The following QTMAN variants were observed in gnomAD, a reference collection of about 807,000 sequenced individuals.
The protein encoded by QTMAN is tRNA-queuosine alpha-mannosyltransferase.
At chr2:144,298,332 T>C in the QTMAN span, among the ~76,000 whole-genome samples, 2 of 152,150 alleles carry the variant, frequency 1.3e-5, no homozygotes, top group African/African-American at 4.8e-5. Context: ...AATATTTTAA[T>C]TCTTAAGATA....
At chr2:144,086,554 C>T in the QTMAN span, among the ~76,000 whole-genome samples, 42 of 152,224 alleles carry the variant, frequency 2.8e-4, no homozygotes, top group East Asian at 7.3e-3. Flanking sequence ...GCCTGACAGC[C>T]ATAATTCTTG....
the QTMAN span, among the ~76,000 whole-genome samples, chr2:143,961,359 T>C: frequency 1.3e-5 from 2 of 152,122 alleles, no homozygotes; most frequent in African/African-American, 4.8e-5. Flanking sequence ...ATCATGACCA[T>C]ATACAACTAT....
chr2:144,063,663 T>C, the QTMAN span, among the ~76,000 whole-genome samples: 1 of 152,152 alleles, frequency 6.6e-6, no homozygotes, highest in Admixed American at 6.5e-5. Context: ...AGAAGCTAAG[T>C]AACAAAATAA....
chr2:144,252,843 C>T, the QTMAN span, among the ~76,000 whole-genome samples: 2 of 152,078 alleles, frequency 1.3e-5, no homozygotes, highest in Non-Finnish European at 2.9e-5. Context: ...TTGGAAGTGG[C>T]CAAAATGTCC....
chr2:144,155,553 A>T, the QTMAN span, among the ~76,000 whole-genome samples: 2 of 152,174 alleles, frequency 1.3e-5, no homozygotes, highest in Non-Finnish European at 2.9e-5. Context: ...CATGCCACTC[A>T]TGAGTCTCTG....
chr2:144,189,429 G>C, the QTMAN span, among the ~76,000 whole-genome samples: 1 of 152,154 alleles, frequency 6.6e-6, no homozygotes, highest in Non-Finnish European at 1.5e-5. Flanking sequence ...TAAGATGGAA[G>C]AATAACAACT....
At chr2:144,035,932 A>G in the QTMAN span, among the ~76,000 whole-genome samples, 1 of 152,204 alleles carries the variant, frequency 6.6e-6, no homozygotes, top group Admixed American at 6.5e-5. Flanking sequence ...AGGGCACCCT[A>G]AATCACCTAT....
At chr2:144,307,159 TAAAAAAAA>T in the QTMAN span, among the ~76,000 whole-genome samples, 1 of 40,464 alleles carries the variant, frequency 2.5e-5, no homozygotes, top group African/African-American at 1.3e-4. Flanking sequence ...GACTCCGTCT[TAAAAAAAA>T]AAAAAAAAAA....
chr2:144,039,106 C>G, the QTMAN span, among the ~76,000 whole-genome samples: 1 of 152,200 alleles, frequency 6.6e-6, no homozygotes, highest in East Asian at 1.9e-4. Context: ...AAAAATACTT[C>G]TGCAGGATTT....
chr2:144,203,202 C>A, the QTMAN span, among the ~76,000 whole-genome samples: 1 of 151,084 alleles, frequency 6.6e-6, no homozygotes. Context: ...CACGTGCGCA[C>A]GCACACATGT....
the QTMAN span, chr2:143,941,242 G>A: frequency 6.6e-6 from 1 of 152,176 alleles, no homozygotes; most frequent in African/African-American, 2.4e-5. Flanking sequence ...ATTCTCAGGA[G>A]GGCCAGGGAA....
the QTMAN span, among the ~76,000 whole-genome samples, chr2:144,263,404 T>C: frequency 2.0e-5 from 3 of 152,170 alleles, no homozygotes; most frequent in Non-Finnish European, 4.4e-5. Flanking sequence ...TGTCTGGACA[T>C]GTTGTCACTA....
the QTMAN span, among the ~76,000 whole-genome samples, chr2:143,997,236 T>C: frequency 2.6e-5 from 4 of 152,110 alleles, no homozygotes; most frequent in Non-Finnish European, 4.4e-5. Flanking sequence ...TATGAACTTA[T>C]CAAGTGAAAA....
the QTMAN span, among the ~76,000 whole-genome samples, chr2:144,193,511 T>C: frequency 1.3e-5 from 2 of 150,588 alleles, no homozygotes; most frequent in South Asian, 4.2e-4. Context: ...ATTACGTGTG[T>C]GTGTGTGTGT....
the QTMAN span, among the ~76,000 whole-genome samples, chr2:144,110,544 A>G: frequency 1.3e-5 from 2 of 152,048 alleles, no homozygotes; most frequent in Non-Finnish European, 2.9e-5. Context: ...GTGTTATAAA[A>G]AATAAAAAAT....
the QTMAN span, among the ~76,000 whole-genome samples, chr2:144,088,197 T>G: frequency 6.6e-6 from 1 of 151,760 alleles, no homozygotes; most frequent in African/African-American, 2.4e-5. Context: ...GCAATCCCAT[T>G]TATAACTGCT....
chr2:144,078,887 T>C, the QTMAN span, among the ~76,000 whole-genome samples: 1 of 152,160 alleles, frequency 6.6e-6, no homozygotes, highest in Non-Finnish European at 1.5e-5. Flanking sequence ...GTGAAGTCTA[T>C]ACATCTCAAA....
At chr2:144,310,046 C>CA in the QTMAN span, among the ~76,000 whole-genome samples, 151,713 of 152,358 alleles carry the variant, frequency 1, 75,540 homozygotes, top group East Asian at 1. Flanking sequence ...GCAAAATATA[C>CA]GTAAGTTCAT....
At chr2:144,288,669 G>A in the QTMAN span, among the ~76,000 whole-genome samples, 2 of 152,162 alleles carry the variant, frequency 1.3e-5, no homozygotes, top group African/African-American at 4.8e-5. Context: ...TCCAAGGCCT[G>A]CAAACTTCTC....
Sources: allele counts gnomAD v4.1 joint callset (sites outside exome capture counted in the v4.1 genomes callset), GRCh38; gene constraint gnomAD v4.1.1; transcripts MANE v1.5; gene names NCBI Gene and HGNC (gene_info 2026-07-23, HGNC 2026-07-21).